Variants in DNMBP observed in about 807,000 individuals in gnomAD.
DNMBP encodes dynamin binding protein.
A neutral mutation model predicts 150.0 loss-of-function variants in DNMBP; 87 were observed. The ratio of observed to expected loss-of-function variants is 0.58; its 90% CI spans 0.49 to 0.69. The LOEUF (loss-of-function observed/expected upper bound fraction) is 0.69. Ranked by LOEUF, DNMBP falls within the 30% of genes least tolerant of loss-of-function variation. DNMBP has a pLI of 0.00. For missense variants in DNMBP, 1,774 were observed against 1,949.0 expected (o/e 0.91, Z 1.69); for synonymous variants, 711 against 750.4 (o/e 0.95, Z 0.86).
rs1318416334 is a variant in DNMBP, at chr10:99,880,197, TG to T, written c.4161del (p.Ser1388AlafsTer35). ...QNSGSTLTFN[P>X]SSMAVSFTSG... The stretch of plus-strand genomic sequence containing the variant: ...GAGGTAAAGGATACAGCCATGCTGC[TG>T]GGGTTGAAGGTCAGGGTGCTGCCGC... On this transcript the variant is annotated frameshift_variant, in exon 16 of 17. Coordinates refer to ENST00000324109, the MANE Select transcript of DNMBP (RefSeq NM_015221.4). LOFTEE classifies it high-confidence loss of function. 1.2e-6 allele frequency: 2 copies of T among 1,614,044 alleles called. No homozygotes were observed. Among genetic ancestry groups the T allele is most frequent in the Non-Finnish European group, 1.7e-6 (2 of 1,180,042 alleles).
At chr10:100,005,189 A>G (rs2041054761) in intron 1 of DNMBP, among the ~76,000 whole-genome samples, 1 of 152,138 alleles carries the variant, frequency 6.6e-6, no homozygotes. Flanking sequence ...CACTGTGGAG[A>G]GGCATCTGGC....
chr10:99,893,433 T>C (rs1197589311), intron 11 of DNMBP, among the ~76,000 whole-genome samples: 1 of 152,212 alleles, frequency 6.6e-6, no homozygotes, highest in Non-Finnish European at 1.5e-5. Context: ...TACTACGCAA[T>C]TGTAAAGAAC....
At chr10:99,886,277 C>A in intron 13 of DNMBP, 23 bp downstream of exon 13, 1 of 1,589,076 alleles carries the variant, frequency 6.3e-7, no homozygotes, top group South Asian at 1.1e-5. Context: ...ATGACCATCC[C>A]ACTGAACAGG....
At chr10:99,965,585 C>A (rs2040612548) in intron 3 of DNMBP, among the ~76,000 whole-genome samples, 1 of 151,400 alleles carries the variant, frequency 6.6e-6, no homozygotes, top group South Asian at 2.1e-4. Flanking sequence ...GCAACCTCCA[C>A]CTCCCGGGTT....
At chr10:99,950,439 C>A (rs187707500) in intron 4 of DNMBP, among the ~76,000 whole-genome samples, 6 of 152,026 alleles carry the variant, frequency 3.9e-5, no homozygotes, top group African/African-American at 1.2e-4. Flanking sequence ...GGGTAACAGG[C>A]GGAGGCTGGA....
chr10:99,877,981 T>C (rs1050871504), intron 16 of DNMBP, among the ~76,000 whole-genome samples: 2 of 151,910 alleles, frequency 1.3e-5, no homozygotes, highest in African/African-American at 2.4e-5. Context: ...AAAATAAGCA[T>C]GATGGTGAAC....
chr10:99,953,258 T>C (rs1157397106), intron 4 of DNMBP, among the ~76,000 whole-genome samples: 1 of 152,086 alleles, frequency 6.6e-6, no homozygotes, highest in Non-Finnish European at 1.5e-5. Flanking sequence ...TTTTCAAATT[T>C]AATTTAAAAC....
At chr10:99,896,776 C>T (rs1308829997) in intron 9 of DNMBP, among the ~76,000 whole-genome samples, 1 of 152,146 alleles carries the variant, frequency 6.6e-6, no homozygotes, top group South Asian at 2.1e-4. Context: ...TAAATGGTGC[C>T]ATACACAAAT....
intron 4 of DNMBP, among the ~76,000 whole-genome samples, chr10:99,954,744 CAAAA>C (rs751589220): frequency 4.1e-5 from 2 of 48,816 alleles, no homozygotes; most frequent in Admixed American, 2.2e-4. Context: ...AACTCTGTCT[CAAAA>C]AAAAAAAAAA....
intron 1 of DNMBP, among the ~76,000 whole-genome samples, chr10:99,976,785 T>TAA (rs112087041): frequency 0.084 from 12,319 of 146,490 alleles, 723 homozygotes; most frequent in African/African-American, 0.17. Flanking sequence ...AGTATTTTCT[T>TAA]AAAAAAAAAA....
intron 4 of DNMBP, among the ~76,000 whole-genome samples, chr10:99,943,552 A>G (rs2133309417): frequency 6.6e-6 from 1 of 152,150 alleles, no homozygotes; most frequent in East Asian, 1.9e-4. Flanking sequence ...ACAGGTGTAC[A>G]CCACCATATC....
intron 4 of DNMBP, among the ~76,000 whole-genome samples, chr10:99,924,992 C>T (rs976243955): frequency 2.6e-5 from 4 of 152,104 alleles, no homozygotes; most frequent in African/African-American, 9.7e-5. Context: ...TGCTCTGTGC[C>T]CCTGCTCCTA....
intron 1 of DNMBP, among the ~76,000 whole-genome samples, chr10:100,008,640 A>G (rs11594244): frequency 0.26 from 40,184 of 152,154 alleles, 5,577 homozygotes; most frequent in Non-Finnish European, 0.3. Flanking sequence ...TATTATCACA[A>G]TGAGTGACGT....
At chr10:99,891,589 C>G (rs370876979) in intron 11 of DNMBP, among the ~76,000 whole-genome samples, 4 of 151,576 alleles carry the variant, frequency 2.6e-5, no homozygotes, top group Non-Finnish European at 5.9e-5. Flanking sequence ...TCTGCCCGGC[C>G]GCCACCCCGT....
At chr10:99,978,716 TCACAGGTGTGTACCAC>T (rs2040753718) in intron 1 of DNMBP, among the ~76,000 whole-genome samples, 1 of 152,082 alleles carries the variant, frequency 6.6e-6, no homozygotes, top group Non-Finnish European at 1.5e-5. Context: ...ATATCTGCGA[TCACAGGTGTGTACCAC>T]CACACCTGGC....
chr10:99,882,922 C>T (rs1300271959), intron 15 of DNMBP, among the ~76,000 whole-genome samples: 1 of 152,052 alleles, frequency 6.6e-6, no homozygotes, highest in Admixed American at 6.6e-5. Context: ...AAACAGTTAG[C>T]CAGGTGTGGT....
rs752522080 is a variant in DNMBP at position 99,898,139 on chromosome 10, G to A, written c.2867C>T (p.Ala956Val). 31 of 1,613,838 alleles carry A rather than the reference G, an allele frequency of 1.9e-5. No homozygotes were observed. The highest frequency in any genetic ancestry group is 4.5e-5 in the East Asian group (2 of 44,886). The change falls in exon 9 of 17, where the codon GCG becomes GTG. Residue 956 changes from alanine (A) to valine (V), a missense_variant. Ala to Val is a moderately conservative substitution (Grantham distance 64). Coordinates refer to ENST00000324109, the MANE Select transcript of DNMBP (RefSeq NM_015221.4). ...DKVPLTNAVL[A>V]VKEINVNINE... ...AATGTTAACGTTGATTTCCTTGACCGCAAGGACTGCATTGGTTAAAGGCAC... is the reference window on the plus strand; with the variant it reads ...AATGTTAACGTTGATTTCCTTGACCACAAGGACTGCATTGGTTAAAGGCAC...
intron 16 of DNMBP, among the ~76,000 whole-genome samples, chr10:99,878,879 C>G (rs1334939904): frequency 6.6e-6 from 1 of 152,008 alleles, no homozygotes; most frequent in African/African-American, 2.4e-5. Flanking sequence ...GTAATCCCAG[C>G]AAATTGGGAG....
At chr10:99,972,268 T>C (rs1372687670) in intron 1 of DNMBP, 134 bp from the exon 2 acceptor site, 2 of 823,484 alleles carry the variant, frequency 2.4e-6, no homozygotes, top group Non-Finnish European at 3.6e-6. Context: ...AATAAGTTAG[T>C]ACTTCCTATT....
Sources: gnomAD v4.1 joint callset for allele counts (sites outside exome capture counted in the v4.1 genomes callset) on GRCh38, gnomAD v4.1.1 for gene constraint, MANE v1.5 for transcripts, NCBI Gene and HGNC (gene_info 2026-07-23, HGNC 2026-07-21) for gene names.